CEP128: variants seen among roughly 807,000 people sequenced by gnomAD.
CEP128 encodes centrosomal protein 128kDa.
CEP128 carries 132 observed loss-of-function variants against 156.7 expected under a neutral mutation model. The observed-to-expected ratio is 0.84, with a 90% CI of 0.73 to 0.97. The LOEUF is 0.97. Among genes scored for constraint, CEP128 ranks in the 50% least tolerant of loss-of-function variants. CEP128 has a pLI of 0.00. For synonymous variants in CEP128, 469 were observed against 448.9 expected (o/e 1.04, Z -0.57); for missense variants, 1,252 against 1,281.9 (o/e 0.98, Z 0.36).
chr14:80,736,257 T>TA (rs33965250), intron 19 of CEP128, among the ~76,000 whole-genome samples: 41,449 of 147,074 alleles, frequency 0.28, 6,418 homozygotes, highest in East Asian at 0.44. Context: ...TATAAGGTTT[T>TA]AAAAAAAAAA....
intron 9 of CEP128, among the ~76,000 whole-genome samples, chr14:80,854,669 A>G (rs1887059323): frequency 1.3e-5 from 2 of 152,190 alleles, no homozygotes; most frequent in Admixed American, 1.3e-4. Flanking sequence ...TGAATATTTC[A>G]TATGATCACA....
In CEP128 at chr14:80,916,431, C is replaced by A; in HGVS notation, c.117G>T (p.Glu39Asp). 1 of 1,614,048 alleles carries A rather than the reference C, an allele frequency of 6.2e-7. No homozygotes were observed. Among genetic ancestry groups the A allele is most frequent in the Non-Finnish European group, 8.5e-7 (1 of 1,179,956 alleles). The change falls in exon 3 of 25, where the codon GAG (glutamate) becomes GAT (aspartate). Residue 39 changes from glutamate to aspartate, a missense_variant. Glu to Asp is a conservative substitution (Grantham distance 45). Coordinates refer to ENST00000555265, the MANE Select transcript of CEP128 (RefSeq NM_152446.5). The part of the protein sequence containing the change: ...TRSLPTVEVT[E>D]KVNTITSTLQ... Reference sequence around the variant, plus strand: ...AAGTACTTGTTATAGTGTTGACCTTCTCGGTAACTTCTACTGTAGGAAGAC... The same window carrying A: ...AAGTACTTGTTATAGTGTTGACCTTATCGGTAACTTCTACTGTAGGAAGAC...
At chr14:80,585,961 T>C (rs375495261) in intron 19 of CEP128, among the ~76,000 whole-genome samples, 29 of 152,324 alleles carry the variant, frequency 1.9e-4, no homozygotes, top group Middle Eastern at 3.4e-3. Flanking sequence ...GACTTAGCCT[T>C]CTATTATTCC....
chr14:80,894,758 T>C, intron 8 of CEP128: 1 of 312,456 alleles, frequency 3.2e-6, no homozygotes, highest in South Asian at 2.7e-5. Context: ...CAAATTTCAC[T>C]ACAAGAGAAA....
chr14:80,883,077 A>AAC (rs1279239930), intron 8 of CEP128, among the ~76,000 whole-genome samples: 1 of 152,204 alleles, frequency 6.6e-6, no homozygotes, highest in Admixed American at 6.5e-5. Flanking sequence ...ACTAAGGATA[A>AAC]ACACTTGAGG....
intron 19 of CEP128, among the ~76,000 whole-genome samples, chr14:80,643,045 C>T (rs188237915): frequency 6.0e-4 from 91 of 152,240 alleles, no homozygotes; most frequent in East Asian, 4.6e-3. Context: ...TGAGCCACCG[C>T]GCCCGGCTGA....
chr14:80,501,883 C>A (rs1470264441), intron 24 of CEP128, among the ~76,000 whole-genome samples: 1 of 151,914 alleles, frequency 6.6e-6, no homozygotes, highest in East Asian at 1.9e-4. Flanking sequence ...AAGCACCTCT[C>A]CATAAGACAC....
chr14:80,916,601 A>G, intron 2 of CEP128, 39 bp from the exon 3 acceptor site: 1 of 1,492,810 alleles, frequency 6.7e-7, no homozygotes, highest in Admixed American at 1.9e-5. Context: ...TGAAACAGTA[A>G]AAAGCATGGA....
intron 19 of CEP128, among the ~76,000 whole-genome samples, chr14:80,703,489 A>C (rs1216640367): frequency 6.6e-6 from 1 of 151,874 alleles, no homozygotes; most frequent in African/African-American, 2.4e-5. Context: ...AAAATCCAAA[A>C]GCTTTTAGCT....
At chr14:80,723,409 T>G (rs1310408244) in intron 19 of CEP128, among the ~76,000 whole-genome samples, 2 of 152,220 alleles carry the variant, frequency 1.3e-5, no homozygotes, top group African/African-American at 4.8e-5. Context: ...GTATTCAGGC[T>G]GGAGACAACA....
intron 20 of CEP128, among the ~76,000 whole-genome samples, chr14:80,564,882 A>C (rs1890845805): frequency 6.6e-6 from 1 of 152,092 alleles, no homozygotes; most frequent in Non-Finnish European, 1.5e-5. Flanking sequence ...AACATGGCGA[A>C]ACCCTGTCCC....
chr14:80,900,442 G>A (rs538917263), intron 6 of CEP128, among the ~76,000 whole-genome samples: 26 of 152,340 alleles, frequency 1.7e-4, no homozygotes, highest in African/African-American at 5.8e-4. Flanking sequence ...TCTTGCCACT[G>A]TAGTGCAAAA....
At chr14:80,704,318 A>C (rs1039364587) in intron 19 of CEP128, among the ~76,000 whole-genome samples, 3 of 152,094 alleles carry the variant, frequency 2.0e-5, no homozygotes, top group African/African-American at 7.2e-5. Flanking sequence ...AAGAATATTC[A>C]AACTAAATTT....
chr14:80,836,624 T>A (rs1217224972), intron 11 of CEP128, among the ~76,000 whole-genome samples: 1 of 152,198 alleles, frequency 6.6e-6, no homozygotes, highest in Admixed American at 6.5e-5. Flanking sequence ...CAAATCAACT[T>A]CAATTAAGTA....
intron 23 of CEP128, among the ~76,000 whole-genome samples, chr14:80,513,579 C>G (rs1304532879): frequency 6.6e-6 from 1 of 152,088 alleles, no homozygotes; most frequent in Non-Finnish European, 1.5e-5. Context: ...CTCTCTAGCT[C>G]CTCTTTAAGG....
intron 13 of CEP128, among the ~76,000 whole-genome samples, chr14:80,811,818 T>TTAGA (rs61046137): frequency 0.01 from 1,547 of 149,626 alleles, 57 homozygotes; most frequent in Admixed American, 0.072. Context: ...CACGCATGTA[T>TTAGA]TAGATAGATA....
At chr14:80,632,810 T>G (rs1894016660) in intron 19 of CEP128, among the ~76,000 whole-genome samples, 5 of 152,106 alleles carry the variant, frequency 3.3e-5, no homozygotes, top group Admixed American at 3.3e-4. Flanking sequence ...AAGTGGCAAG[T>G]GCATACATTC....
At chr14:80,564,038 G>C (rs1310200588) in intron 20 of CEP128, among the ~76,000 whole-genome samples, 1 of 152,074 alleles carries the variant, frequency 6.6e-6, no homozygotes, top group African/African-American at 2.4e-5. Flanking sequence ...ATTCTAAGTG[G>C]GAGTGAAGGG....
At chr14:80,568,561 G>A (rs1330360256) in intron 20 of CEP128, among the ~76,000 whole-genome samples, 1 of 152,092 alleles carries the variant, frequency 6.6e-6, no homozygotes, top group African/African-American at 2.4e-5. Context: ...CTACACTAGA[G>A]GGGCTGCTGA....
Sources: gnomAD v4.1 joint callset for allele counts (sites outside exome capture counted in the v4.1 genomes callset) on GRCh38, gnomAD v4.1.1 for gene constraint, MANE v1.5 for transcripts, NCBI Gene and HGNC (gene_info 2026-07-23, HGNC 2026-07-21) for gene names.